Variants in PKD1L3 observed in about 807,000 individuals in gnomAD.
PKD1L3 encodes polycystin 1 like 3, transient receptor potential channel interacting.
A neutral mutation model predicts 184.1 loss-of-function variants in PKD1L3; 239 were observed. That is an observed-to-expected ratio of 1.30 (90% CI 1.17 to 1.45). The LOEUF is 1.45. PKD1L3 is among the 40% of genes most tolerant of loss of function. The pLI, the probability that PKD1L3 is intolerant of heterozygous loss-of-function variation, is 0.00. For missense variants in PKD1L3, 2,660 were observed against 2,067.2 expected, an observed-to-expected ratio of 1.29 and a Z score of -5.56; for synonymous variants, 996 against 778.8, an observed-to-expected ratio of 1.28 and a Z score of -4.64.
At chr16:71,936,524 T>C (rs1419012492) in intron 25 of PKD1L3, among the ~76,000 whole-genome samples, 4 of 148,988 alleles carry the variant, frequency 2.7e-5, no homozygotes, top group East Asian at 1.9e-4. Context: ...TTTTTCTTTT[T>C]TTTTTTTTTT....
At chr16:71,983,274 G>A (rs927164917) in intron 6 of PKD1L3, among the ~76,000 whole-genome samples, 12 of 152,026 alleles carry the variant, frequency 7.9e-5, no homozygotes, top group African/African-American at 1.9e-4. Flanking sequence ...AGCCTCCCAA[G>A]TAGCTGCAAC....
intron 25 of PKD1L3, 62 bp downstream of exon 25, chr16:71,937,230 A>C: frequency 6.7e-7 from 1 of 1,484,568 alleles, no homozygotes; most frequent in Non-Finnish European, 9.1e-7. Flanking sequence ...TAATTTTTGT[A>C]GTCTGGTAAA....
intron 2 of PKD1L3, among the ~76,000 whole-genome samples, chr16:71,996,951 ATTT>A (rs35603184): frequency 0.19 from 24,241 of 129,608 alleles, 2,126 homozygotes; most frequent in African/African-American, 0.22. Context: ...AATTGCTTTG[ATTT>A]TTTTTTTTTT....
At chr16:71,968,123 A>C in intron 13 of PKD1L3, 116 bp from the exon 14 acceptor site, 1 of 770,294 alleles carries the variant, frequency 1.3e-6, no homozygotes, top group Non-Finnish European at 2.1e-6. Flanking sequence ...GCCCTGCAGA[A>C]AGCAGGGCTG....
At chr16:71,953,734 G>C (rs2038938038) in intron 17 of PKD1L3, among the ~76,000 whole-genome samples, 1 of 152,158 alleles carries the variant, frequency 6.6e-6, no homozygotes, top group South Asian at 2.1e-4. Context: ...TCACTATCAT[G>C]GGAAAAGCAT....
At chr16:71,962,771 T>A (rs2039332163) in intron 16 of PKD1L3, among the ~76,000 whole-genome samples, 1 of 152,212 alleles carries the variant, frequency 6.6e-6, no homozygotes, top group African/African-American at 2.4e-5. Flanking sequence ...TGAGTCACGG[T>A]GCCTGGCCAG....
At chr16:71,961,267 C>T (rs1442923067) in intron 16 of PKD1L3, among the ~76,000 whole-genome samples, 2 of 152,054 alleles carry the variant, frequency 1.3e-5, no homozygotes, top group East Asian at 1.9e-4. Flanking sequence ...GGACTACAGG[C>T]GTGCACCACT....
In PKD1L3 at chr16:71,979,847, C is replaced by T. The variant is rs571272336; in HGVS notation, c.1337G>A (p.Gly446Asp). The T allele has an allele frequency of 3.9e-6, 6 of 1,526,620 alleles. No homozygotes were observed. The highest frequency in any genetic ancestry group is 5.3e-6 in the Non-Finnish European group (6 of 1,141,280). The allele number at this position is 1,526,620 out of a possible 1,614,324, so 94.6% of individuals were successfully genotyped here. A position where few individuals can be genotyped will look rare whatever the true frequency, so the allele number is the denominator to read the frequency against. Residue 446 changes from glycine (G) to aspartate (D), a missense_variant, in exon 9 of 30, where the codon GGC becomes GAC. Physicochemically the swap from Gly to Asp is moderately conservative, Grantham distance 94. Transcript: ENST00000620267. Reference protein sequence around the residue: ...TLGHPAPVRLGFPSALALKEL... With the variant: ...TLGHPAPVRLDFPSALALKEL... ...CTTCAAAGCTAAAGCCGACGGAAAG[C>T]CTAGCCTCACAGGGGCTGGGTGACC...
At chr16:71,997,647 C>G (rs2040839062) in intron 2 of PKD1L3, among the ~76,000 whole-genome samples, 1 of 152,060 alleles carries the variant, frequency 6.6e-6, no homozygotes, top group Non-Finnish European at 1.5e-5. Flanking sequence ...ACTAGGGAGG[C>G]TGAGGCAGGA....
Position 72,000,072 on chromosome 16 carries a change from T to C in PKD1L3, c.-94A>G. The stretch of plus-strand genomic sequence containing the variant: ...TGGCGGGCTTGTCTTATTAGTATTA[T>C]TCTTTTATGAATTGGGAACAATTTA... On this transcript the variant is annotated 5_prime_UTR_variant, in exon 1 of 30. Coordinates refer to ENST00000620267, the MANE Select transcript of PKD1L3 (RefSeq NM_181536.2). The C allele has an allele frequency of 9.3e-7, 1 of 1,072,440 alleles. No individual in the cohort carries two copies. The highest frequency in any genetic ancestry group is 1.3e-6 in the Non-Finnish European group (1 of 787,170). 66.4% of individuals were successfully genotyped at this position (1,072,440 alleles called of 1,614,324 possible). A position where few individuals can be genotyped will look rare whatever the true frequency, so the allele number is the denominator to read the frequency against.
chr16:71,938,432 C>T (rs1221829623), intron 24 of PKD1L3, among the ~76,000 whole-genome samples: 4 of 152,124 alleles, frequency 2.6e-5, no homozygotes, highest in Non-Finnish European at 5.9e-5. Flanking sequence ...TGGATGGCAG[C>T]AGGAGGCAGA....
chr16:71,962,306 G>A (rs1279338870), intron 16 of PKD1L3, among the ~76,000 whole-genome samples: 7 of 152,118 alleles, frequency 4.6e-5, no homozygotes, highest in Admixed American at 2.6e-4. Context: ...CCAGAAAGCT[G>A]AAGGTAAGAA....
At chr16:71,966,649 CT>C (rs1246079648) in intron 15 of PKD1L3, among the ~76,000 whole-genome samples, 1 of 151,992 alleles carries the variant, frequency 6.6e-6, no homozygotes, top group Non-Finnish European at 1.5e-5. Flanking sequence ...TCAGGCTGTT[CT>C]CAAACTCCTG....
Position 71,998,330 on chromosome 16 carries a change from A to G in PKD1L3, c.360T>C (p.Ile120=), listed in dbSNP as rs1402400150. 1 of 1,552,118 alleles carries G rather than the reference A, an allele frequency of 6.4e-7. No homozygotes were observed. Residue 120 remains isoleucine, a synonymous_variant, in exon 2 of 30, where the codon ATT becomes ATC. Transcript: ENST00000620267. ...LSCTYLSRNF[I]RISSKGDKCL... is the part of the protein sequence containing the mutation. Reference sequence around the variant, plus strand: ...ACTTGTCCCCTTTGGATGAGATCCGAATGAAGTTTCTGGACAGGTAGGTGC... The same window carrying G: ...ACTTGTCCCCTTTGGATGAGATCCGGATGAAGTTTCTGGACAGGTAGGTGC...
intron 24 of PKD1L3, among the ~76,000 whole-genome samples, chr16:71,942,158 T>C (rs1393082021): frequency 6.6e-6 from 1 of 151,424 alleles, no homozygotes; most frequent in African/African-American, 2.4e-5. Flanking sequence ...AATATGTAAA[T>C]ACATAAATTG....
chr16:71,986,143 T>C, intron 5 of PKD1L3, 78 bp downstream of exon 5: 1 of 1,492,670 alleles, frequency 6.7e-7, no homozygotes, highest in South Asian at 1.3e-5. Flanking sequence ...GGTGTAGTTC[T>C]GCAGGGAGGC....
intron 11 of PKD1L3, among the ~76,000 whole-genome samples, chr16:71,973,939 T>C (rs934567172): frequency 2.6e-5 from 4 of 151,222 alleles, no homozygotes; most frequent in African/African-American, 9.7e-5. Flanking sequence ...GAGGTGGAAG[T>C]TGCAGTGAGC....
rs1054124619 is a variant in PKD1L3 at position 71,973,531 on chromosome 16, A to G, written c.1760-14T>C. Reference sequence around the variant, plus strand: ...TGTACTCCTCATCTTAGAACAAAGAAGAGTGCTTACTTGTATATCAAATGG... The same window carrying G: ...TGTACTCCTCATCTTAGAACAAAGAGGAGTGCTTACTTGTATATCAAATGG... On this transcript the variant is annotated splice_polypyrimidine_tract_variant and intron_variant, in intron 11 of 29. Coordinates refer to ENST00000620267, the MANE Select transcript of PKD1L3 (RefSeq NM_181536.2). 2 of 1,548,344 alleles carry G rather than the reference A, an allele frequency of 1.3e-6. No homozygotes were observed. Among genetic ancestry groups the G allele is most frequent in the African/African-American group, 1.4e-5 (1 of 72,990 alleles).
intron 5 of PKD1L3, among the ~76,000 whole-genome samples, chr16:71,986,020 G>C (rs2040347250): frequency 6.6e-6 from 1 of 152,216 alleles, no homozygotes; most frequent in Admixed American, 6.5e-5. Context: ...GCATTAAATA[G>C]TGTCATTAAT....
Sources: gnomAD v4.1 joint callset for allele counts (sites outside exome capture counted in the v4.1 genomes callset) on GRCh38, gnomAD v4.1.1 for gene constraint, MANE v1.5 for transcripts, NCBI Gene and HGNC (gene_info 2026-07-23, HGNC 2026-07-21) for gene names.